ZC3H8: variants seen among roughly 807,000 people sequenced by gnomAD.
ZC3H8 encodes the protein zinc finger CCCH domain-containing protein 8.
ZC3H8 carries 27 observed loss-of-function variants against 42.5 expected under a neutral mutation model. The observed-to-expected ratio is 0.64, with a 90% confidence interval of 0.47 to 0.88. The LOEUF is 0.88. Ranked by LOEUF, ZC3H8 falls within the 40% of genes least tolerant of loss-of-function variation. The pLI is 0.00. For synonymous variants in ZC3H8, 101 were observed against 110.1 expected, an observed-to-expected ratio of 0.92 and a Z score of 0.52; for missense variants, 277 against 336.1, an observed-to-expected ratio of 0.82 and a Z score of 1.37.
At chr2:112,220,770 G>A (rs1273662502) in intron 8 of ZC3H8, among the ~76,000 whole-genome samples, 2 of 152,186 alleles carry the variant, frequency 1.3e-5, no homozygotes, top group Non-Finnish European at 2.9e-5. Context: ...GTGGTGAGCT[G>A]AGATCGTGCC....
chr2:112,220,044 T>C (rs967601077), intron 8 of ZC3H8, among the ~76,000 whole-genome samples: 6 of 152,240 alleles, frequency 3.9e-5, no homozygotes, highest in Non-Finnish European at 7.3e-5. Context: ...AAGGGCGTCA[T>C]TGCATGTGAG....
intron 1 of ZC3H8, 31 bp from the exon 2 acceptor site, chr2:112,250,303 A>T: frequency 6.6e-7 from 1 of 1,512,806 alleles, no homozygotes; most frequent in Non-Finnish European, 8.9e-7. Context: ...AACACAAAAG[A>T]GTTTTTTCAA....
chr2:112,221,993 G>A (rs999434492), intron 8 of ZC3H8, among the ~76,000 whole-genome samples: 1 of 152,142 alleles, frequency 6.6e-6, no homozygotes. Context: ...TATATCGGCT[G>A]ATGTTCTTCA....
At chr2:112,249,028 A>G (rs780187349) in intron 2 of ZC3H8, among the ~76,000 whole-genome samples, 24 of 152,074 alleles carry the variant, frequency 1.6e-4, no homozygotes, top group Non-Finnish European at 2.5e-4. Context: ...AACCCCATGT[A>G]TATTTTTTCT....
At chr2:112,248,429 A>C (rs1054565040) in intron 2 of ZC3H8, among the ~76,000 whole-genome samples, 1 of 152,188 alleles carries the variant, frequency 6.6e-6, no homozygotes, top group African/African-American at 2.4e-5. Flanking sequence ...ATACACTATT[A>C]AAGTCTATTT....
chr2:112,248,643 A>T (rs1685841992), intron 2 of ZC3H8, among the ~76,000 whole-genome samples: 1 of 152,090 alleles, frequency 6.6e-6, no homozygotes, highest in African/African-American at 2.4e-5. Context: ...GGTGCCTGCC[A>T]CCATGCTTGG....
intron 2 of ZC3H8, among the ~76,000 whole-genome samples, chr2:112,239,751 A>C (rs1377743259): frequency 2.6e-5 from 4 of 151,860 alleles, no homozygotes; most frequent in Non-Finnish European, 5.9e-5. Flanking sequence ...TGCTCAGCTA[A>C]TTTTTGTATT....
chr2:112,237,053 C>A (rs912984775), intron 3 of ZC3H8, among the ~76,000 whole-genome samples: 2 of 152,088 alleles, frequency 1.3e-5, no homozygotes, highest in Non-Finnish European at 2.9e-5. Flanking sequence ...AGAGTGAGAA[C>A]CTGTCGCAAA....
In ZC3H8 at chr2:112,252,500, T is replaced by C. The variant is rs74540890; in HGVS notation, c.75-2228A>G. On this transcript the variant is annotated intron_variant, in intron 1 of 8. Coordinates refer to ENST00000409573, the MANE Select transcript of ZC3H8 (RefSeq NM_032494.3). ...CAACTAGAATGACCCTGCTAAAATA[T>C]TTCAAATGTCACTCTGCTGAAAAAC... Among the ~76,000 whole-genome samples, 48 of 152,340 alleles carry C rather than the reference T, an allele frequency of 3.2e-4. No individual in the cohort carries two copies. In the East Asian group the frequency reaches 8.1e-3, roughly 26 times the overall value.
At chr2:112,238,612 T>C in intron 2 of ZC3H8, 84 bp from the exon 3 acceptor site, 1 of 1,138,760 alleles carries the variant, frequency 8.8e-7, no homozygotes, top group Admixed American at 2.4e-5. Context: ...AGATTGGCTA[T>C]AAACTGGTCA....
At chr2:112,245,068 A>G (rs1485827609) in intron 2 of ZC3H8, among the ~76,000 whole-genome samples, 1 of 152,266 alleles carries the variant, frequency 6.6e-6, no homozygotes, top group Non-Finnish European at 1.5e-5. Context: ...CCAACTTGTG[A>G]ATGCAAAGGG....
chr2:112,243,228 T>C (rs575922042), intron 2 of ZC3H8, among the ~76,000 whole-genome samples: 1 of 152,332 alleles, frequency 6.6e-6, no homozygotes, highest in East Asian at 1.9e-4. Flanking sequence ...CAGAAGTGTT[T>C]TTTCAGACTT....
At chr2:112,242,240 G>C (rs1272158338) in intron 2 of ZC3H8, among the ~76,000 whole-genome samples, 1 of 152,164 alleles carries the variant, frequency 6.6e-6, no homozygotes. Flanking sequence ...CACAAGCTAA[G>C]AATGAACTTT....
At chr2:112,245,427 G>C (rs1394372946) in intron 2 of ZC3H8, among the ~76,000 whole-genome samples, 2 of 152,242 alleles carry the variant, frequency 1.3e-5, no homozygotes, top group African/African-American at 4.8e-5. Context: ...GCCGAGGCGG[G>C]CAGATCACTT....
chr2:112,215,788 G>A lies in ZC3H8; in HGVS notation c.*696C>T, dbSNP rs1684294873. 1 of 152,066 alleles carries A rather than the reference G, an allele frequency of 6.6e-6. No individual in the cohort carries two copies. Among genetic ancestry groups the A allele is most frequent in the African/African-American group, 2.4e-5 (1 of 41,404 alleles). 9.4% of individuals were successfully genotyped at this position (152,066 alleles called of 1,614,324 possible). On this transcript the variant is annotated 3_prime_UTR_variant, in exon 9 of 9. Transcript: ENST00000409573. ...TGTAACTCACACAAGTGTATAATCT[G>A]ACTACAGTTTATAAACCAATGAGAA...
At chr2:112,221,240 G>C (rs567654859) in intron 8 of ZC3H8, among the ~76,000 whole-genome samples, 9 of 152,108 alleles carry the variant, frequency 5.9e-5, no homozygotes, top group Non-Finnish European at 1.2e-4. Flanking sequence ...CTGGATAATG[G>C]GGGCAGATTT....
Position 112,254,940 on chromosome 2 carries a change from G to A in ZC3H8, c.42C>T (p.Ala14=), listed in dbSNP as rs377741566. ...CAGAGTCCGTGGCCGTTTTGCCGAG[G>A]GCCGGGTTGGGGGGTTTTGAGAAAA... The part of the protein sequence containing the change: ...ENLFSKPPNP[A]LGKTATDSDE... The change falls in exon 1 of 9, where the codon GCC becomes GCT. Residue 14 remains alanine (A), a synonymous_variant. Transcript: ENST00000409573. The A allele has an allele frequency of 2.5e-5, 41 of 1,613,302 alleles. No homozygotes were observed. The African/African-American group carries it at 4.7e-4, about 18-fold the overall frequency.
chr2:112,223,699 C>CTGA (rs1160152824), intron 8 of ZC3H8, among the ~76,000 whole-genome samples: 11 of 152,122 alleles, frequency 7.2e-5, no homozygotes, highest in African/African-American at 2.4e-4. Flanking sequence ...TGTAAAATGA[C>CTGA]TGATATAATC....
At chr2:112,219,038 T>C (rs549055214) in intron 8 of ZC3H8, among the ~76,000 whole-genome samples, 6 of 152,346 alleles carry the variant, frequency 3.9e-5, no homozygotes, top group African/African-American at 1.4e-4. Flanking sequence ...AAGCAATCTA[T>C]GTATTCAATG....
Sources: gnomAD v4.1 joint callset for allele counts (sites outside exome capture counted in the v4.1 genomes callset) on GRCh38, gnomAD v4.1.1 for gene constraint, MANE v1.5 for transcripts, NCBI Gene and HGNC (gene_info 2026-07-23, HGNC 2026-07-21) for gene names.